The following ARMH1 variants were observed in gnomAD, a reference collection of about 807,000 sequenced individuals.
ARMH1 encodes the protein armadillo-like helical domain containing protein 1.
In ARMH1, 34 loss-of-function variants were observed where a neutral mutation model predicts 50.2. The ratio of observed to expected loss-of-function variants is 0.68; its 90% CI spans 0.51 to 0.90. ARMH1 has a LOEUF of 0.90. Among genes scored for constraint, ARMH1 ranks in the 40% least tolerant of loss-of-function variants. The pLI, the probability that ARMH1 is intolerant of heterozygous loss-of-function variation, is 0.00. For synonymous variants in ARMH1, 221 were observed against 224.2 expected (o/e 0.99, Z 0.13); for missense variants, 538 against 553.9 (o/e 0.97, Z 0.29).
chr1:44,700,452 T>C (rs547875804), intron 4 of ARMH1, among the ~76,000 whole-genome samples: 65 of 151,784 alleles, frequency 4.3e-4, no homozygotes, highest in Non-Finnish European at 6.2e-4. Flanking sequence ...CCTGTCTCTA[T>C]TAAAAATACA....
intron 6 of ARMH1, among the ~76,000 whole-genome samples, chr1:44,708,047 A>G (rs1381072880): frequency 6.6e-6 from 1 of 152,238 alleles, no homozygotes; most frequent in Non-Finnish European, 1.5e-5. Context: ...AATGTAGAGA[A>G]TGCGTATGCA....
chr1:44,715,299 C>T (rs761379216), intron 6 of ARMH1, among the ~76,000 whole-genome samples: 46 of 152,174 alleles, frequency 3.0e-4, no homozygotes, highest in Non-Finnish European at 6.0e-4. Context: ...GGTACAATGC[C>T]ATTTCTATGG....
Position 44,724,802 on chromosome 1 carries a change from G to T in ARMH1, c.1091G>T (p.Arg364Leu), listed in dbSNP as rs752089217. The change falls in exon 10 of 12, where the codon CGC becomes CTC. Residue 364 changes from arginine (R) to leucine (L), a missense_variant. Arg to Leu is a moderately radical substitution (Grantham distance 102). Transcript: ENST00000535358. The surrounding 1 kb of genome is among the most constrained non-coding windows in gnomAD (Gnocchi z 6.4). ...QMFPLVAEHV[R>L]KCMGEELYQL... ...TTCCCCTTGGTGGCGGAGCACGTGCGCAAGTGCATGGGGGAGGAACTCTAC... is the reference window on the plus strand; with the variant it reads ...TTCCCCTTGGTGGCGGAGCACGTGCTCAAGTGCATGGGGGAGGAACTCTAC... 9.1e-6 allele frequency: 14 copies of T among 1,543,322 alleles called. No individual in the cohort carries two copies. In the African/African-American group the frequency reaches 1.4e-4, roughly 15 times the overall value.
At position 44,689,868 on chromosome 1, in the gene ARMH1, G is replaced by A; in HGVS notation, c.171G>A (p.Leu57=). Residue 57 remains leucine, a synonymous_variant, in exon 2 of 12, where the codon TTG becomes TTA. Transcript: ENST00000535358. The part of the protein sequence containing the change: ...LEQEFSQGAS[L]FLVRLTTSLR... ...AGGAGTTTTCCCAGGGAGCCAGTTT[G>A]TTCCTGGTACGCTTGACCACCTCGC... 2 of 1,550,916 alleles carry A rather than the reference G, an allele frequency of 1.3e-6. No homozygotes were observed. The highest frequency in any genetic ancestry group is 8.7e-7 in the Non-Finnish European group (1 of 1,146,942).
chr1:44,682,624 T>C lies in ARMH1; in HGVS notation c.-22-7052T>C, dbSNP rs562825682. ...GCAGTGAAATCTGTCAGATTTGTAC[T>C]TTTAAAAATCTCACATCAAAGCCTG... On this transcript the variant is annotated intron_variant, in intron 1 of 11. Coordinates refer to ENST00000535358, the MANE Select transcript of ARMH1 (RefSeq NM_001145636.2). The surrounding 1 kb of genome is among the most constrained non-coding windows in gnomAD (Gnocchi z 4.5). 6.6e-6 allele frequency among the ~76,000 whole-genome samples: 1 copy of C among 152,308 alleles called. No homozygotes were observed. The highest frequency in any genetic ancestry group is 2.4e-5 in the African/African-American group (1 of 41,562).
In ARMH1 at chr1:44,716,763, A is replaced by C. The variant is rs1369055630; in HGVS notation, c.725-7359A>C. Among the ~76,000 whole-genome samples, 4 of 151,946 alleles carry C rather than the reference A, an allele frequency of 2.6e-5. No homozygotes were observed. In the South Asian group the frequency reaches 6.2e-4, roughly 24 times the overall value. On this transcript the variant is annotated intron_variant, in intron 6 of 11. Transcript: ENST00000535358. ...TCTGTCCAGTATGGCGCCCACACACAGTTCATTTTCCTAGTCCACCACCAG... is the reference window on the plus strand; with the variant it reads ...TCTGTCCAGTATGGCGCCCACACACCGTTCATTTTCCTAGTCCACCACCAG...
At chr1:44,701,980 C>G (rs1573382891) in intron 5 of ARMH1, among the ~76,000 whole-genome samples, 1 of 151,344 alleles carries the variant, frequency 6.6e-6, no homozygotes, top group South Asian at 2.1e-4. Flanking sequence ...TGGCATGTGC[C>G]TATAGTCCCA....
chr1:44,724,584 C>T lies in ARMH1; in HGVS notation c.966C>T (p.Tyr322=), dbSNP rs2148808957. The change falls in exon 9 of 12, where the codon TAC becomes TAT. Residue 322 remains tyrosine, a synonymous_variant. Transcript: ENST00000535358. The surrounding 1 kb of genome is among the most constrained non-coding windows in gnomAD (Gnocchi z 6.4). ...NDMSIAEELL[Y]LRVVRGLMAA... is the part of the protein sequence containing the mutation. ...TGAGCATCGCCGAGGAGCTGCTGTA[C>T]CTGCGCGTGGTGCGTGGCCTAATGG... 1.3e-6 allele frequency: 2 copies of T among 1,518,616 alleles called. No homozygotes were observed. Among genetic ancestry groups the T allele is most frequent in the Non-Finnish European group, 1.8e-6 (2 of 1,135,742 alleles). The allele number at this position is 1,518,616 out of a possible 1,614,324, so 94.1% of individuals were successfully genotyped here. A position where few individuals can be genotyped will look rare whatever the true frequency, so the allele number is the denominator to read the frequency against.
At chr1:44,677,916 G>A (rs907253151) in intron 1 of ARMH1, among the ~76,000 whole-genome samples, 8 of 152,088 alleles carry the variant, frequency 5.3e-5, no homozygotes, top group Admixed American at 4.6e-4. Context: ...GAGACATGAG[G>A]CCCCCTCCTA....
At chr1:44,701,174 A>G in intron 5 of ARMH1, 55 bp downstream of exon 5, 1 of 1,457,998 alleles carries the variant, frequency 6.9e-7, no homozygotes, top group Non-Finnish European at 9.2e-7. Flanking sequence ...TAATCTTACA[A>G]TTACCTTCCG....
At position 44,724,811 on chromosome 1, in the gene ARMH1, T is replaced by C. The variant is rs1402878511; in HGVS notation, c.1100T>C (p.Met367Thr). 6 of 1,542,482 alleles carry C rather than the reference T, an allele frequency of 3.9e-6. No homozygotes were observed. In the African/African-American group the frequency reaches 5.5e-5, roughly 14 times the overall value. Residue 367 changes from methionine (M) to threonine (T), a missense_variant, in exon 10 of 12, where the codon ATG (methionine) becomes ACG (threonine). Coordinates refer to ENST00000535358, the MANE Select transcript of ARMH1 (RefSeq NM_001145636.2). This position sits in a 1 kb window ranked among gnomAD's most constrained non-coding sequence, Gnocchi z 6.4. The stretch of plus-strand genomic sequence containing the variant: ...GTGGCGGAGCACGTGCGCAAGTGCA[T>C]GGGGGAGGAACTCTACCAGCTCTTC... Reference protein sequence around the residue: ...PLVAEHVRKCMGEELYQLFLS... With the variant: ...PLVAEHVRKCTGEELYQLFLS...
In ARMH1 at chr1:44,725,302, C is replaced by A. The variant is rs1648137253; in HGVS notation, c.1222C>A (p.His408Asn). 1 of 1,551,714 alleles carries A rather than the reference C, an allele frequency of 6.4e-7. No homozygotes were observed. The highest frequency in any genetic ancestry group is 8.7e-7 in the Non-Finnish European group (1 of 1,147,020). The change falls in exon 12 of 12, where the codon CAT becomes AAT. Residue 408 changes from histidine (H) to asparagine (N), a missense_variant. Transcript: ENST00000535358. ...TTTCCTGCCTGCAGCCCTGTGCCTC[C>A]ATGGCAGCTCCTACAGCATGAACAC... The part of the protein sequence containing the change: ...TVNVTKALCL[H>N]GSSYSMNTLY...
At chr1:44,695,376 T>C (rs1645791661) in intron 2 of ARMH1, among the ~76,000 whole-genome samples, 1 of 152,218 alleles carries the variant, frequency 6.6e-6, no homozygotes, top group South Asian at 2.1e-4. Flanking sequence ...CAACTGCTGA[T>C]CTTGTGGCCC....
At position 44,682,360 on chromosome 1, in the gene ARMH1, T is replaced by G. The variant is rs1645341465; in HGVS notation, c.-22-7316T>G. 6.6e-6 allele frequency among the ~76,000 whole-genome samples: 1 copy of G among 152,142 alleles called. No individual in the cohort carries two copies. ...GGTAGAGAGGGAAAGACAGATGGCC[T>G]GACCTCAGAGGAGGAGGAAGGGTTC... On this transcript the variant is annotated intron_variant, in intron 1 of 11. Coordinates refer to ENST00000535358, the MANE Select transcript of ARMH1 (RefSeq NM_001145636.2). This position sits in a 1 kb window ranked among gnomAD's most constrained non-coding sequence, Gnocchi z 4.5.
intron 6 of ARMH1, among the ~76,000 whole-genome samples, chr1:44,715,508 C>T (rs1646814603): frequency 6.6e-6 from 1 of 152,160 alleles, no homozygotes; most frequent in African/African-American, 2.4e-5. Context: ...ATGAATTTGT[C>T]TCCTGCACCA....
At chr1:44,687,374 G>A (rs550838751) in intron 1 of ARMH1, among the ~76,000 whole-genome samples, 209 of 152,238 alleles carry the variant, frequency 1.4e-3, no homozygotes, top group African/African-American at 4.6e-3. Context: ...GCCACATCCC[G>A]AGTTACTGAT....
intron 6 of ARMH1, among the ~76,000 whole-genome samples, chr1:44,721,112 C>T (rs936961575): frequency 7.1e-6 from 1 of 140,650 alleles, no homozygotes; most frequent in Non-Finnish European, 1.6e-5. Context: ...AAGTCTGATA[C>T]CTCTAGCATA....
At position 44,693,731 on chromosome 1, in the gene ARMH1, T is replaced by C. The variant is rs1645735115; in HGVS notation, c.207-3371T>C. Among the ~76,000 whole-genome samples, 5 of 152,220 alleles carry C rather than the reference T, an allele frequency of 3.3e-5. No individual in the cohort carries two copies. In the South Asian group the frequency reaches 1.0e-3, roughly 32 times the overall value. On this transcript the variant is annotated intron_variant, in intron 2 of 11. Coordinates refer to ENST00000535358, the MANE Select transcript of ARMH1 (RefSeq NM_001145636.2). ...TTGACCTCTCAAAGTGCTGGGATTA[T>C]AAGTGTGAGCTACCATGTCTGGCCC...
Position 44,724,914 on chromosome 1 carries a change from C to A in ARMH1, c.1128+75C>A. 1 of 1,512,680 alleles carries A rather than the reference C, an allele frequency of 6.6e-7. No homozygotes were observed. The highest frequency in any genetic ancestry group is 2.5e-5 in the East Asian group (1 of 40,650). 93.7% of individuals were successfully genotyped at this position (1,512,680 alleles called of 1,614,324 possible). A position where few individuals can be genotyped will look rare whatever the true frequency, so the allele number is the denominator to read the frequency against. On this transcript the variant is annotated intron_variant, in intron 10 of 11. Transcript: ENST00000535358. This position sits in a 1 kb window ranked among gnomAD's most constrained non-coding sequence, Gnocchi z 6.4. ...CAGTGTGATGCCCCTTCAGACAGTC[C>A]CCATCCTGGAGCGCGCCACATGCAG...
Sources: gnomAD v4.1 joint callset for allele counts (sites outside exome capture counted in the v4.1 genomes callset) on GRCh38, gnomAD v4.1.1 for gene constraint, Gnocchi (gnomAD v3.1) non-coding constraint, MANE v1.5 for transcripts, NCBI Gene and HGNC (gene_info 2026-07-23, HGNC 2026-07-21) for gene names.